Variants in LRRC2 observed in about 807,000 individuals in gnomAD.
LRRC2 encodes the protein leucine-rich repeat-containing protein 2.
A neutral mutation model predicts 40.2 loss-of-function variants in LRRC2; 27 were observed. The ratio of observed to expected loss-of-function variants is 0.67; its 90% CI spans 0.49 to 0.93. The LOEUF (loss-of-function observed/expected upper bound fraction) is 0.93. LRRC2 is among the 40% of genes least tolerant of loss of function. The pLI is 0.00. For synonymous variants in LRRC2, 147 were observed against 158.9 expected (o/e 0.92, Z 0.56); for missense variants, 402 against 439.6 (o/e 0.91, Z 0.76).
At position 46,527,583 on chromosome 3, in the gene LRRC2, T is replaced by C. The variant is rs1553612053; in HGVS notation, c.774-2A>G. On this transcript the variant is annotated splice_acceptor_variant, in intron 6 of 8. Transcript: ENST00000395905. LOFTEE classifies it high-confidence loss of function. ...AGAAAGCTCTGCAGCTCCTCTAGCC[T>C]AAGAAGAGGTAAAAACAATCATAGC... 10 of 1,613,244 alleles carry C rather than the reference T, an allele frequency of 6.2e-6. No homozygotes were observed. The highest frequency in any genetic ancestry group is 8.5e-6 in the Non-Finnish European group (10 of 1,179,300).
chr3:46,547,918 C>G (rs1042612380), intron 2 of LRRC2, among the ~76,000 whole-genome samples: 11 of 152,088 alleles, frequency 7.2e-5, no homozygotes, highest in Non-Finnish European at 1.6e-4. Context: ...TTAGATCTTA[C>G]TGTAGCAGTC....
At chr3:46,545,980 G>C (rs143729475) in intron 2 of LRRC2, among the ~76,000 whole-genome samples, 241 of 152,280 alleles carry the variant, frequency 1.6e-3, no homozygotes, top group African/African-American at 5.6e-3. Context: ...AAGATGTTTT[G>C]TGGTTTTCCT....
At chr3:46,543,179 G>C (rs371113149) in intron 3 of LRRC2, among the ~76,000 whole-genome samples, 1 of 152,194 alleles carries the variant, frequency 6.6e-6, no homozygotes, top group African/African-American at 2.4e-5. Context: ...AATCACAACA[G>C]AGTACGGCTT....
At chr3:46,530,182 A>AC in intron 5 of LRRC2, 132 bp from the exon 6 acceptor site, 1 of 718,556 alleles carries the variant, frequency 1.4e-6, no homozygotes, top group Non-Finnish European at 2.3e-6. Context: ...TCAATACAGT[A>AC]TGTATTTTGA....
At chr3:46,560,285 T>G (rs929967683) in intron 1 of LRRC2, among the ~76,000 whole-genome samples, 3 of 152,196 alleles carry the variant, frequency 2.0e-5, no homozygotes, top group African/African-American at 4.8e-5. Context: ...TAGGACACAG[T>G]TGTCAGGGAC....
At chr3:46,549,560 G>C (rs974692495) in intron 2 of LRRC2, among the ~76,000 whole-genome samples, 4 of 152,152 alleles carry the variant, frequency 2.6e-5, no homozygotes, top group Non-Finnish European at 4.4e-5. Flanking sequence ...TCTGTCTTAG[G>C]TTAAGATGAG....
Position 46,545,156 on chromosome 3 carries a change from G to C in LRRC2, c.223C>G (p.Leu75Val), listed in dbSNP as rs574809232. ...GTGTTCCTTTCAATCTTGTCCAGAA[G>C]CCGCACGCTGGTGTCTATGAAGCCA... ...KNGFIDTSVR[L>V]LDKIERNTLT... The change falls in exon 3 of 9, where the codon CTT becomes GTT. Residue 75 changes from leucine (L) to valine (V), a missense_variant. Coordinates refer to ENST00000395905, the MANE Select transcript of LRRC2 (RefSeq NM_024512.5). The C allele has an allele frequency of 1.4e-5, 22 of 1,614,186 alleles. 1 individual carries two copies. The South Asian group carries it at 2.2e-4, about 16-fold the overall frequency.
intron 1 of LRRC2, among the ~76,000 whole-genome samples, chr3:46,555,225 T>A (rs1395010173): frequency 6.6e-6 from 1 of 152,222 alleles, no homozygotes. Context: ...CATCATTTTA[T>A]ATTATCCTAA....
intron 4 of LRRC2, among the ~76,000 whole-genome samples, chr3:46,534,809 T>C (rs1192108361): frequency 1.3e-5 from 2 of 152,280 alleles, no homozygotes; most frequent in Admixed American, 1.3e-4. Flanking sequence ...TCAATAGATC[T>C]ATAAGACAAT....
intron 7 of LRRC2, among the ~76,000 whole-genome samples, chr3:46,526,864 G>C (rs1028646374): frequency 1.3e-5 from 2 of 152,254 alleles, no homozygotes; most frequent in Non-Finnish European, 2.9e-5. Flanking sequence ...GTCTCAGGTA[G>C]AATTAATGGG....
chr3:46,521,880 G>A (rs367810114), intron 7 of LRRC2, among the ~76,000 whole-genome samples: 3 of 152,292 alleles, frequency 2.0e-5, no homozygotes, highest in African/African-American at 7.2e-5. Flanking sequence ...GCCTGATGGG[G>A]AAATGAGAGC....
chr3:46,566,283 G>T lies in LRRC2; in HGVS notation c.-126C>A, dbSNP rs1365427590. On this transcript the variant is annotated 5_prime_UTR_variant, in exon 1 of 9. Coordinates refer to ENST00000395905, the MANE Select transcript of LRRC2 (RefSeq NM_024512.5). Reference sequence around the variant, plus strand: ...GCTGTTTACACCCGCTGAGCAGCACGGCCGAGCCGGAAGAAGCCTCCCGTG... The same window carrying T: ...GCTGTTTACACCCGCTGAGCAGCACTGCCGAGCCGGAAGAAGCCTCCCGTG... The T allele has an allele frequency of 6.6e-6, 1 of 151,072 alleles. No homozygotes were observed. Among genetic ancestry groups the T allele is most frequent in the Admixed American group, 6.6e-5 (1 of 15,128 alleles). The allele number at this position is 151,072 out of a possible 1,614,324, so 9.4% of individuals were successfully genotyped here.
At chr3:46,565,464 C>A (rs1396724875) in intron 1 of LRRC2, among the ~76,000 whole-genome samples, 1 of 152,232 alleles carries the variant, frequency 6.6e-6, no homozygotes, top group South Asian at 2.1e-4. Context: ...CTAAGAATCC[C>A]TGTCACCAAT....
rs749272610 is a variant in LRRC2 at position 46,551,556 on chromosome 3, G to T, written c.36C>A (p.Val12=). Residue 12 remains valine, a synonymous_variant, in exon 2 of 9, where the codon GTC becomes GTA. Transcript: ENST00000395905. ...GHKVVVFDIS[V]IRALWETRVK... ...CACGAGTTTCCCACAAGGCTCTGATGACAGAAATGTCGAAGACAACCACTT... is the reference window on the plus strand; with the variant it reads ...CACGAGTTTCCCACAAGGCTCTGATTACAGAAATGTCGAAGACAACCACTT... 27 of 1,613,770 alleles carry T rather than the reference G, an allele frequency of 1.7e-5. No homozygotes were observed. In the East Asian group the frequency reaches 5.8e-4, roughly 35 times the overall value.
intron 7 of LRRC2, among the ~76,000 whole-genome samples, chr3:46,522,444 C>T (rs1002372464): frequency 5.3e-5 from 8 of 151,538 alleles, no homozygotes; most frequent in Admixed American, 2.6e-4. Flanking sequence ...GGAACAGAGG[C>T]TCATGCCTAT....
intron 1 of LRRC2, among the ~76,000 whole-genome samples, chr3:46,556,865 T>C (rs1397249430): frequency 6.6e-6 from 1 of 152,122 alleles, no homozygotes; most frequent in Non-Finnish European, 1.5e-5. Context: ...GCGTGAGCCA[T>C]CGCGCCCAGC....
chr3:46,527,654 T>A, intron 6 of LRRC2, 73 bp from the exon 7 acceptor site: 1 of 1,303,254 alleles, frequency 7.7e-7, no homozygotes, highest in Non-Finnish European at 1.1e-6. Context: ...GAATTACAAA[T>A]AAATTCTAAC....
In LRRC2 at chr3:46,519,006, G is replaced by C. The variant is rs1218702550; in HGVS notation, c.*8C>G. 6 of 1,578,530 alleles carry C rather than the reference G, an allele frequency of 3.8e-6. No individual in the cohort carries two copies. In the African/African-American group the frequency reaches 4.0e-5, roughly 11 times the overall value. ...AGAATAGTGAGATTTGCAGTCTTCT[G>C]ATGGATATCAAAGTTGAAGGCTAAA... On this transcript the variant is annotated 3_prime_UTR_variant, in exon 9 of 9. Transcript: ENST00000395905.
Position 46,551,435 on chromosome 3 carries a change from A to G in LRRC2, c.125+32T>C, listed in dbSNP as rs1375746333. Reference sequence around the variant, plus strand: ...CTGTCCAAATCCTTATTCACCAAACAAGCTACAAGACTAGGTTGAGAAAAC... The same window carrying G: ...CTGTCCAAATCCTTATTCACCAAACGAGCTACAAGACTAGGTTGAGAAAAC... On this transcript the variant is annotated intron_variant, in intron 2 of 8. Coordinates refer to ENST00000395905, the MANE Select transcript of LRRC2 (RefSeq NM_024512.5). 6 of 1,599,718 alleles carry G rather than the reference A, an allele frequency of 3.8e-6. No homozygotes were observed. The South Asian group carries it at 5.7e-5, about 15-fold the overall frequency.
Sources: gnomAD v4.1 joint callset for allele counts (sites outside exome capture counted in the v4.1 genomes callset) on GRCh38, gnomAD v4.1.1 for gene constraint, MANE v1.5 for transcripts, NCBI Gene and HGNC (gene_info 2026-07-23, HGNC 2026-07-21) for gene names.